Variants in DCAF5 observed in about 807,000 individuals in gnomAD.
DCAF5 encodes DDB1 and CUL4 associated factor 5.
DCAF5 carries 9 observed loss-of-function variants against 80.7 expected under a neutral mutation model. That is an observed-to-expected ratio of 0.11 (90% CI 0.07 to 0.19). The LOEUF (loss-of-function observed/expected upper bound fraction) is 0.19, where lower values mean the gene tolerates loss of function less well. Ranked by LOEUF, DCAF5 falls within the 10% of genes least tolerant of loss-of-function variation. The probability of loss-of-function intolerance (pLI) is 1.00; values close to 1 mark genes in which losing one functional copy is unlikely to be tolerated. For missense variants in DCAF5, 842 were observed against 1,205.7 expected, an observed-to-expected ratio of 0.70 and a Z score of 4.47; for synonymous variants, 433 against 461.9, an observed-to-expected ratio of 0.94 and a Z score of 0.80.
intron 5 of DCAF5, among the ~76,000 whole-genome samples, chr14:69,098,719 TA>T (rs901752293): frequency 2.3e-5 from 1 of 43,886 alleles, no homozygotes; most frequent in African/African-American, 9.0e-5. Flanking sequence ...CTGTCTCTAC[TA>T]AAAATACAAA....
At chr14:69,074,041 G>A (rs1489395889) in intron 7 of DCAF5, among the ~76,000 whole-genome samples, 2 of 152,216 alleles carry the variant, frequency 1.3e-5, no homozygotes, top group Admixed American at 1.3e-4. Flanking sequence ...AAGCCCTTTT[G>A]TAACTTGTTT....
At chr14:69,121,149 G>C (rs1196627542) in intron 2 of DCAF5, among the ~76,000 whole-genome samples, 1 of 152,198 alleles carries the variant, frequency 6.6e-6, no homozygotes, top group Non-Finnish European at 1.5e-5. Flanking sequence ...AGGGAGGTCA[G>C]GCCAGACAGA....
In DCAF5 at chr14:69,108,802, C is replaced by T. The variant is rs181299599; in HGVS notation, c.665+7564G>A. On this transcript the variant is annotated intron_variant, in intron 5 of 8. Transcript: ENST00000341516. Reference sequence around the variant, plus strand: ...AGCTTAATAACCAGAAGGCATGCCCCCGACTAAAGCTAATCATTGTGACGA... The same window carrying T: ...AGCTTAATAACCAGAAGGCATGCCCTCGACTAAAGCTAATCATTGTGACGA... Among the ~76,000 whole-genome samples the T allele has an allele frequency of 1.3e-4, 20 of 152,162 alleles. 1 individual carries two copies. In the East Asian group the frequency reaches 3.3e-3, roughly 25 times the overall value.
chr14:69,054,830 T>C lies in DCAF5; in HGVS notation c.1856A>G (p.Gln619Arg), dbSNP rs1012536115. 2 of 1,614,208 alleles carry C rather than the reference T, an allele frequency of 1.2e-6. No homozygotes were observed. The highest frequency in any genetic ancestry group is 1.1e-5 in the South Asian group (1 of 91,078). Residue 619 changes from glutamine to arginine, a missense_variant, in exon 9 of 9, where the codon CAG becomes CGG. This residue lies in a region of DCAF5 where 607 missense variants were observed against 656.6 expected (regional missense o/e 0.92). Coordinates refer to ENST00000341516, the MANE Select transcript of DCAF5 (RefSeq NM_003861.3). ...GGAGGAGAGGTCATCCACTTTGATC[T>C]GGGGGTAATCATAGTTGTCTTCTCC... is the stretch of plus-strand genomic sequence containing the variant. ...YIGEDNYDYPQIKVDDLSSSP... is the reference protein window; with the variant it reads ...YIGEDNYDYPRIKVDDLSSSP...
At chr14:69,128,064 G>T (rs2040928427) in intron 1 of DCAF5, among the ~76,000 whole-genome samples, 1 of 152,128 alleles carries the variant, frequency 6.6e-6, no homozygotes, top group South Asian at 2.1e-4. Flanking sequence ...AATGGAGTAT[G>T]TCTGGAATTT....
intron 1 of DCAF5, chr14:69,149,591 A>G (rs932526483): frequency 4.6e-5 from 7 of 152,248 alleles, no homozygotes; most frequent in African/African-American, 1.4e-4. Flanking sequence ...TGCCCTGGGT[A>G]TAAGTTAATT....
chr14:69,076,698 A>G (rs142704212), intron 6 of DCAF5, among the ~76,000 whole-genome samples: 1 of 152,350 alleles, frequency 6.6e-6, no homozygotes, highest in East Asian at 1.9e-4. Flanking sequence ...GAAGGTAGAT[A>G]GTGGTGATGG....
In DCAF5 at chr14:69,054,728, A is replaced by G; in HGVS notation, c.1958T>C (p.Ile653Thr). The G allele has an allele frequency of 6.2e-7, 1 of 1,614,234 alleles. No individual in the cohort carries two copies. Among genetic ancestry groups the G allele is most frequent in the Non-Finnish European group, 8.5e-7 (1 of 1,180,040 alleles). The stretch of plus-strand genomic sequence containing the variant: ...ATAAATTTTTCGCTCAACTGATTCT[A>G]TGTCAGAAGTTGGTGATGCCCGGCT... ...QPSRASPTSDIESVERKIYKA... is the reference protein window; with the variant it reads ...QPSRASPTSDTESVERKIYKA... The change falls in exon 9 of 9, where the codon ATA (isoleucine) becomes ACA (threonine). Residue 653 changes from isoleucine (I) to threonine (T), a missense_variant. By Grantham distance (89) the Ile-to-Thr change is moderately conservative (BLOSUM62 -1). This residue lies in a region of DCAF5 where 607 missense variants were observed against 656.6 expected (regional missense o/e 0.92). Coordinates refer to ENST00000341516, the MANE Select transcript of DCAF5 (RefSeq NM_003861.3).
intron 5 of DCAF5, among the ~76,000 whole-genome samples, chr14:69,102,716 G>A (rs1177270173): frequency 2.6e-5 from 4 of 151,498 alleles, no homozygotes; most frequent in East Asian, 1.9e-4. Flanking sequence ...GATAATACAC[G>A]TGGAACTATC....
intron 7 of DCAF5, among the ~76,000 whole-genome samples, chr14:69,069,786 TAA>T (rs565308781): frequency 6.6e-6 from 1 of 151,176 alleles, no homozygotes; most frequent in African/African-American, 2.4e-5. Context: ...CAGTTAGTTT[TAA>T]AAAAAAAGTT....
At chr14:69,068,446 C>A (rs1025110778) in intron 7 of DCAF5, among the ~76,000 whole-genome samples, 4 of 152,116 alleles carry the variant, frequency 2.6e-5, no homozygotes, top group Admixed American at 1.3e-4. Context: ...TGCCTGTAAT[C>A]CCAGCACTTT....
At chr14:69,134,832 T>A (rs558190791) in intron 1 of DCAF5, among the ~76,000 whole-genome samples, 1 of 152,270 alleles carries the variant, frequency 6.6e-6, no homozygotes, top group East Asian at 1.9e-4. Flanking sequence ...TTGGTCCAAG[T>A]GTAAATAAGC....
Position 69,116,434 on chromosome 14 carries a change from C to A in DCAF5, c.597G>T (p.Glu199Asp), listed in dbSNP as rs2040546903. The A allele has an allele frequency of 1.9e-6, 3 of 1,613,604 alleles. No individual in the cohort carries two copies. Among genetic ancestry groups the A allele is most frequent in the Non-Finnish European group, 2.5e-6 (3 of 1,179,646 alleles). Residue 199 changes from glutamate to aspartate, a missense_variant, in exon 5 of 9, where the codon GAG becomes GAT. Glu to Asp is a conservative substitution (Grantham distance 45). This residue lies in a region of DCAF5 where 142 missense variants were observed against 311.9 expected (regional missense o/e 0.46). Transcript: ENST00000341516. ...AATTGGCTGTGGCCAACAACCTGGG[C>A]TCCACAGGGTTAAACATGACACTAT... is the stretch of plus-strand genomic sequence containing the variant. ...AFHSVMFNPVEPRLLATANSK... is the reference protein window; with the variant it reads ...AFHSVMFNPVDPRLLATANSK...
chr14:69,061,914 G>T (rs1243202775), intron 8 of DCAF5, among the ~76,000 whole-genome samples: 1 of 152,094 alleles, frequency 6.6e-6, no homozygotes, highest in East Asian at 1.9e-4. Context: ...AGCTACTTTG[G>T]GGGGCTCAGG....
At chr14:69,063,941 C>T (rs1215914251) in intron 7 of DCAF5, among the ~76,000 whole-genome samples, 1 of 152,020 alleles carries the variant, frequency 6.6e-6, no homozygotes, top group African/African-American at 2.4e-5. Context: ...ATATATTTAT[C>T]GTATTCATAT....
At chr14:69,144,362 G>C (rs2041469949) in intron 1 of DCAF5, among the ~76,000 whole-genome samples, 1 of 152,262 alleles carries the variant, frequency 6.6e-6, no homozygotes, top group Middle Eastern at 3.4e-3. Flanking sequence ...CACAAGGTCG[G>C]GACATCGAGA....
chr14:69,074,592 C>A (rs1033312687), intron 7 of DCAF5, among the ~76,000 whole-genome samples: 1 of 152,104 alleles, frequency 6.6e-6, no homozygotes, highest in Non-Finnish European at 1.5e-5. Context: ...GGGAACATAC[C>A]TGTCCATCAA....
At chr14:69,075,128 G>GA (rs925145531) in intron 7 of DCAF5, among the ~76,000 whole-genome samples, 8 of 151,052 alleles carry the variant, frequency 5.3e-5, no homozygotes, top group East Asian at 1.9e-4. Flanking sequence ...TTTTTAGGAG[G>GA]AAAAAAAAAT....
intron 7 of DCAF5, among the ~76,000 whole-genome samples, chr14:69,074,839 G>T (rs2038838905): frequency 6.6e-6 from 1 of 152,122 alleles, no homozygotes; most frequent in Non-Finnish European, 1.5e-5. Context: ...TTTGAGACCA[G>T]GCTGGCCAAC....
Sources: gnomAD v4.1 joint callset for allele counts (sites outside exome capture counted in the v4.1 genomes callset) on GRCh38, gnomAD v4.1.1 for gene constraint, gnomAD v4.1.1 regional missense constraint, MANE v1.5 for transcripts, NCBI Gene and HGNC (gene_info 2026-07-23, HGNC 2026-07-21) for gene names.